Variants in DMPK observed in about 807,000 individuals in gnomAD.
DMPK encodes the protein myotonin-protein kinase.
In DMPK, 32 loss-of-function variants were observed where a neutral mutation model predicts 70.3. The observed-to-expected ratio is 0.46, with a 90% confidence interval of 0.34 to 0.61. The LOEUF (loss-of-function observed/expected upper bound fraction) is 0.61. Among genes scored for constraint, DMPK ranks in the 20% least tolerant of loss-of-function variants. DMPK has a pLI of 0.01. For synonymous variants in DMPK, 469 were observed against 390.9 expected, an observed-to-expected ratio of 1.20 and a Z score of -2.36; for missense variants, 899 against 886.0, an observed-to-expected ratio of 1.01 and a Z score of -0.19.
chr19:45,780,720 A>C, intron 1 of DMPK: 1 of 652,596 alleles, frequency 1.5e-6, no homozygotes, highest in Non-Finnish European at 1.9e-6. Context: ...TGGGTTCTGG[A>C]GGAAAGAGAG....
chr19:45,775,534 T>C lies in DMPK; in HGVS notation c.1147-500A>G, dbSNP rs922449200. ...CCAGCCCAGTTCTGTTTTTTTTTTT[T>C]AGATGGAGTCTTGCTGTCTCCCAGC... On this transcript the variant is annotated intron_variant, in intron 8 of 14. Transcript: ENST00000291270. Among the ~76,000 whole-genome samples the C allele has an allele frequency of 2.4e-4, 26 of 108,962 alleles. 7 individuals carry two copies. The highest frequency in any genetic ancestry group is 7.5e-4 in the African/African-American group (24 of 31,882). 71.5% of individuals were successfully genotyped at this position (108,962 alleles called of 152,430 possible).
Position 45,777,657 on chromosome 19 carries a change from C to T in DMPK, c.882+10G>A. 6.2e-7 allele frequency: 1 copy of T among 1,613,890 alleles called. No individual in the cohort carries two copies. The highest frequency in any genetic ancestry group is 8.5e-7 in the Non-Finnish European group (1 of 1,180,016). On this transcript the variant is annotated intron_variant, in intron 7 of 14. Coordinates refer to ENST00000291270, the MANE Select transcript of DMPK (RefSeq NM_004409.5). The surrounding 1 kb of genome is among the most constrained non-coding windows in gnomAD (Gnocchi z 6.7). ...CGGGAGAGGCCAGGTCTCCCTGCGG[C>T]CGTGCTCACCTTGTAGTGGACGATC...
intron 13 of DMPK, 32 bp downstream of exon 13, chr19:45,771,318 G>A (rs1969422089): frequency 5.7e-6 from 9 of 1,575,780 alleles, no homozygotes; most frequent in African/African-American, 1.4e-5. Flanking sequence ...ATGGGCAGCA[G>A]GTCTGAGGCA....
In DMPK at chr19:45,777,778, G is replaced by A. The variant is rs199698181; in HGVS notation, c.771C>T (p.Pro257=). 55 of 1,612,918 alleles carry A rather than the reference G, an allele frequency of 3.4e-5. No individual in the cohort carries two copies. Among genetic ancestry groups the A allele is most frequent in the East Asian group, 2.5e-4 (11 of 44,888 alleles). ...GGGPGTGSYG[P]ECDWWALGVF... ...CACCCAGCGCCCACCAGTCACACTC[G>A]GGCCCGTAGCTGCCTGTCCCAGGCC... The change falls in exon 7 of 15, where the codon CCC becomes CCT. Residue 257 remains proline (P), a synonymous_variant. Coordinates refer to ENST00000291270, the MANE Select transcript of DMPK (RefSeq NM_004409.5). The surrounding 1 kb of genome is among the most constrained non-coding windows in gnomAD (Gnocchi z 6.7).
intron 1 of DMPK, among the ~76,000 whole-genome samples, chr19:45,780,962 C>A (rs1295804415): frequency 1.3e-5 from 2 of 152,094 alleles, no homozygotes; most frequent in Non-Finnish European, 2.9e-5. Context: ...TCTCAGTTTA[C>A]CCTGCCAACC....
intron 14 of DMPK, 136 bp downstream of exon 14, chr19:45,770,835 C>T (rs1231527206): frequency 1.0e-6 from 1 of 964,350 alleles, no homozygotes; most frequent in East Asian, 2.7e-5. Flanking sequence ...TCCTAGCGGC[C>T]TGTGTTGATT....
intron 5 of DMPK, 30 bp downstream of exon 5, chr19:45,778,463 T>C (rs1390132909): frequency 1.2e-6 from 2 of 1,606,316 alleles, no homozygotes; most frequent in Admixed American, 1.7e-5. Context: ...GGGAACAAGC[T>C]TGCTATCCCC....
chr19:45,775,970 G>A lies in DMPK; in HGVS notation c.1147-936C>T, dbSNP rs1271863044. Among the ~76,000 whole-genome samples the A allele has an allele frequency of 1.2e-4, 12 of 101,578 alleles. 4 individuals are homozygous for A. Among genetic ancestry groups the A allele is most frequent in the African/African-American group, 3.4e-4 (10 of 29,750 alleles). The allele number at this position is 101,578 out of a possible 152,430, so 66.6% of individuals were successfully genotyped here. A position where few individuals can be genotyped will look rare whatever the true frequency, so the allele number is the denominator to read the frequency against. ...CCAGTAACTGGAATTACAGGCACCC[G>A]AGACCACACCCAGCTAATTTTCTTG... On this transcript the variant is annotated intron_variant, in intron 8 of 14. Transcript: ENST00000291270.
At position 45,772,615 on chromosome 19, in the gene DMPK, G is replaced by C. The variant is rs370386108; in HGVS notation, c.1344+26C>G. 530 of 1,475,380 alleles carry C rather than the reference G, an allele frequency of 3.6e-4. 1 individual carries two copies. The highest frequency in any genetic ancestry group is 2.1e-3 in the Admixed American group (100 of 47,152). The allele number at this position is 1,475,380 out of a possible 1,614,324, so 91.4% of individuals were successfully genotyped here. On this transcript the variant is annotated intron_variant, in intron 10 of 14. Transcript: ENST00000291270. Reference sequence around the variant, plus strand: ...CTTTTCTCTCCCAATTGTCCCTGACGGACCCCCTCCCCTCCACCAACTTAC... The same window carrying C: ...CTTTTCTCTCCCAATTGTCCCTGACCGACCCCCTCCCCTCCACCAACTTAC...
chr19:45,778,984 T>A, intron 4 of DMPK: 1 of 578,850 alleles, frequency 1.7e-6, no homozygotes, highest in Non-Finnish European at 3.1e-6. Flanking sequence ...TTAGAATTCC[T>A]GAAGACCTAT....
Position 45,777,319 on chromosome 19 carries a change from G to T in DMPK, c.1146+8C>A. ...TCCCGCAGCCGAGCAGGGGCCACAG[G>T]TACCTACCCCGCCCCCGCTCACCAT... On this transcript the variant is annotated splice_region_variant and intron_variant, in intron 8 of 14. Coordinates refer to ENST00000291270, the MANE Select transcript of DMPK (RefSeq NM_004409.5). This position sits in a 1 kb window ranked among gnomAD's most constrained non-coding sequence, Gnocchi z 6.7. 6.4e-7 allele frequency: 1 copy of T among 1,556,950 alleles called. No homozygotes were observed. Among genetic ancestry groups the T allele is most frequent in the Non-Finnish European group, 8.7e-7 (1 of 1,149,692 alleles).
intron 2 of DMPK, 68 bp downstream of exon 2, chr19:45,779,710 G>C (rs1970008715): frequency 1.3e-6 from 2 of 1,530,040 alleles, no homozygotes; most frequent in South Asian, 2.6e-5. Context: ...CAATTTCTAA[G>C]GCCCCGCCCC....
At chr19:45,772,833 A>AG in intron 9 of DMPK, 81 bp from the exon 10 acceptor site, 1 of 751,172 alleles carries the variant, frequency 1.3e-6, no homozygotes, top group Non-Finnish European at 2.0e-6. Flanking sequence ...GCCTGTGGGT[A>AG]GGGGCAGCTG....
rs188046657 is a variant in DMPK, at chr19:45,779,690, G to A, written c.252+88C>T. The A allele has an allele frequency of 6.3e-4, 969 of 1,530,324 alleles. 6 individuals are homozygous for A. The African/African-American group carries it at 0.011, about 17-fold the overall frequency. The allele number at this position is 1,530,324 out of a possible 1,614,324, so 94.8% of individuals were successfully genotyped here. A position where few individuals can be genotyped will look rare whatever the true frequency, so the allele number is the denominator to read the frequency against. On this transcript the variant is annotated intron_variant, in intron 2 of 14. Coordinates refer to ENST00000291270, the MANE Select transcript of DMPK (RefSeq NM_004409.5). ...AGCCCAGCCCTAGGTTCTAAGGCTCGGTCATTCATCAATTTCTAAGGCCCC... is the reference window on the plus strand; with the variant it reads ...AGCCCAGCCCTAGGTTCTAAGGCTCAGTCATTCATCAATTTCTAAGGCCCC...
chr19:45,776,534 G>A, intron 8 of DMPK: 1 of 155,710 alleles, frequency 6.4e-6, no homozygotes, highest in East Asian at 1.9e-4. Flanking sequence ...CACAATCACA[G>A]CTCACTGCAG....
At position 45,774,251 on chromosome 19, in the gene DMPK, CTAAA is replaced by C. The variant is rs552478694; in HGVS notation, c.1232+694_1232+697del. On this transcript the variant is annotated intron_variant, in intron 9 of 14. Coordinates refer to ENST00000291270, the MANE Select transcript of DMPK (RefSeq NM_004409.5). ...ACAGGCGTGAGCCACCACACCCGGCCTAAATAAATACTTTTTTTTTTTTTTTTTT... is the reference window on the plus strand; with the variant it reads ...ACAGGCGTGAGCCACCACACCCGGCCTAAATACTTTTTTTTTTTTTTTTTT... Among the ~76,000 whole-genome samples, 407 of 146,490 alleles carry C rather than the reference CTAAA, an allele frequency of 2.8e-3. 4 individuals carry two copies. The highest frequency in any genetic ancestry group is 9.6e-3 in the African/African-American group (382 of 39,868).
rs569678890 is a variant in DMPK at position 45,772,619 on chromosome 19, C to CCCCT, written c.1344+18_1344+21dup. On this transcript the variant is annotated intron_variant, in intron 10 of 14. Transcript: ENST00000291270. ...TCTCTCCCAATTGTCCCTGACGGAC[C>CCCCT]CCCTCCCCTCCACCAACTTACTGTT... 148 of 1,499,514 alleles carry CCCCT rather than the reference C, an allele frequency of 9.9e-5. No homozygotes were observed. The African/African-American group carries it at 2.0e-3, about 20-fold the overall frequency. 92.9% of individuals were successfully genotyped at this position (1,499,514 alleles called of 1,614,324 possible). A position where few individuals can be genotyped will look rare whatever the true frequency, so the allele number is the denominator to read the frequency against.
rs1969450895 is a variant in DMPK, at chr19:45,771,596, C to T, written c.1572G>A (p.Met524Ile). Residue 524 changes from methionine to isoleucine, a missense_variant, in exon 12 of 15, where the codon ATG (methionine) becomes ATA (isoleucine). Met to Ile is a conservative substitution (Grantham distance 10). Transcript: ENST00000291270. The stretch of plus-strand genomic sequence containing the variant: ...TGGCTCCCTCTGCCTGCAGCAACTC[C>T]ATCCGCTCCTGCAACTGCCGGACGT... Reference protein sequence around the residue: ...EAHVRQLQERMELLQAEGATA... With the variant: ...EAHVRQLQERIELLQAEGATA... 6.2e-7 allele frequency: 1 copy of T among 1,614,092 alleles called. No individual in the cohort carries two copies. The highest frequency in any genetic ancestry group is 8.5e-7 in the Non-Finnish European group (1 of 1,179,972).
chr19:45,770,288 C>G lies in DMPK; in HGVS notation c.*200G>C, dbSNP rs1294908545. 3 of 866,488 alleles carry G rather than the reference C, an allele frequency of 3.5e-6. No individual in the cohort carries two copies. Among genetic ancestry groups the G allele is most frequent in the Admixed American group, 2.1e-5 (1 of 48,144 alleles). 53.7% of individuals were successfully genotyped at this position (866,488 alleles called of 1,614,324 possible). ...AGCATTCCCGGCTACAAGGACCCTT[C>G]GAGCCCCGTTCGCCGGCCGCGGACC... On this transcript the variant is annotated 3_prime_UTR_variant, in exon 15 of 15. Transcript: ENST00000291270.
Sources: allele counts gnomAD v4.1 joint callset (sites outside exome capture counted in the v4.1 genomes callset), GRCh38; gene constraint gnomAD v4.1.1; non-coding constraint Gnocchi (gnomAD v3.1); transcripts MANE v1.5; gene names NCBI Gene and HGNC (gene_info 2026-07-23, HGNC 2026-07-21).